The following NELL2 variants were observed in gnomAD, a reference collection of about 807,000 sequenced individuals.
NELL2 encodes the protein neural EGFL like 2, also known as protein kinase C-binding protein NELL2.
NELL2 carries 41 observed loss-of-function variants against 109.6 expected under a neutral mutation model. The observed-to-expected ratio is 0.37, with a 90% CI of 0.29 to 0.49. NELL2 has a LOEUF of 0.49. Among genes scored for constraint, NELL2 ranks in the 20% least tolerant of loss-of-function variants. NELL2 has a pLI of 0.98. For synonymous variants in NELL2, 355 were observed against 344.7 expected, an observed-to-expected ratio of 1.03 and a Z score of -0.33; for missense variants, 900 against 1,008.3, an observed-to-expected ratio of 0.89 and a Z score of 1.45.
intron 3 of NELL2, among the ~76,000 whole-genome samples, chr12:44,798,946 CTTTTTTTTTTT>C (rs1157006162): frequency 0.022 from 1,693 of 77,572 alleles, 41 homozygotes; most frequent in African/African-American, 0.091. Context: ...ATGATTTCCA[CTTTTTTTTTTT>C]TTTTTTTTTT....
chr12:44,740,765 T>A (rs2136495984), intron 9 of NELL2, among the ~76,000 whole-genome samples: 1 of 152,210 alleles, frequency 6.6e-6, no homozygotes, highest in East Asian at 1.9e-4. Context: ...TTCATACAAG[T>A]CCCATTTTTC....
rs1566369938 is a variant in NELL2, at chr12:44,777,235, G to C, written c.679+7C>G. On this transcript the variant is annotated splice_region_variant and intron_variant, in intron 6 of 19. Transcript: ENST00000429094. ...GGACTCCACAGTGCAAGAACTAATA[G>C]ACTTACTGCGATTAAGATCTGGGCA... 6.2e-7 allele frequency: 1 copy of C among 1,612,898 alleles called. No homozygotes were observed. The highest frequency in any genetic ancestry group is 8.5e-7 in the Non-Finnish European group (1 of 1,178,950).
chr12:44,590,786 GA>G lies in NELL2; in HGVS notation c.1663+16382del, dbSNP rs1944715477. 2.0e-5 allele frequency among the ~76,000 whole-genome samples: 3 copies of G among 151,844 alleles called. No individual in the cohort carries two copies. The South Asian group carries it at 6.2e-4, about 32-fold the overall frequency. ...TAGACAAATGGGATTAGATCAAACC[GA>G]AAAGCTTCTGCATAGCAAAGGAAAC... On this transcript the variant is annotated intron_variant, in intron 15 of 19. Coordinates refer to ENST00000429094, the MANE Select transcript of NELL2 (RefSeq NM_001145108.2).
intron 19 of NELL2, among the ~76,000 whole-genome samples, chr12:44,519,347 T>C (rs1009188962): frequency 1.3e-5 from 2 of 152,236 alleles, no homozygotes; most frequent in Non-Finnish European, 2.9e-5. Context: ...GTCACTAATC[T>C]ACAAACTCTA....
chr12:44,570,940 T>C (rs1943844566), intron 15 of NELL2, among the ~76,000 whole-genome samples: 1 of 152,192 alleles, frequency 6.6e-6, no homozygotes, highest in Admixed American at 6.5e-5. Flanking sequence ...AGACAGCTAA[T>C]ATTTCAAGAC....
At chr12:44,736,004 C>CTTTTTTTT (rs35988182) in intron 9 of NELL2, among the ~76,000 whole-genome samples, 2 of 99,396 alleles carry the variant, frequency 2.0e-5, no homozygotes, top group East Asian at 3.2e-4. Context: ...GCAGTTAATT[C>CTTTTTTTT]TTTTTTTTTT....
At chr12:44,645,138 A>G (rs964294479) in intron 13 of NELL2, among the ~76,000 whole-genome samples, 1 of 152,186 alleles carries the variant, frequency 6.6e-6, no homozygotes, top group African/African-American at 2.4e-5. Flanking sequence ...ATAAGAGGTC[A>G]ATGCGACTAA....
upstream of NELL2, among the ~76,000 whole-genome samples, chr12:44,917,235 C>T (rs966439530): frequency 6.6e-6 from 1 of 152,184 alleles, no homozygotes; most frequent in African/African-American, 2.4e-5. Context: ...AAATTTCCAT[C>T]CATGAGTCTC....
At chr12:44,597,359 T>C (rs931545090) in intron 15 of NELL2, among the ~76,000 whole-genome samples, 7 of 152,224 alleles carry the variant, frequency 4.6e-5, no homozygotes, top group African/African-American at 1.7e-4. Flanking sequence ...TTTTCCTCAA[T>C]TATGCTTCCA....
intron 2 of NELL2, among the ~76,000 whole-genome samples, chr12:44,822,369 C>T (rs1047845091): frequency 1.3e-5 from 2 of 152,180 alleles, no homozygotes; most frequent in African/African-American, 2.4e-5. Flanking sequence ...TTCTAAGTAT[C>T]CCAAACTCAG....
chr12:44,524,630 A>C (rs1941684742), intron 16 of NELL2, among the ~76,000 whole-genome samples: 1 of 152,196 alleles, frequency 6.6e-6, no homozygotes, highest in African/African-American at 2.4e-5. Context: ...TTATATACTT[A>C]AATTCTGCCA....
At chr12:44,608,615 A>G (rs1034740085) in intron 14 of NELL2, among the ~76,000 whole-genome samples, 1 of 151,952 alleles carries the variant, frequency 6.6e-6, no homozygotes, top group African/African-American at 2.4e-5. Context: ...AAATACAAGA[A>G]TTATCTGTCT....
At chr12:44,787,464 T>C (rs1436216565) in intron 3 of NELL2, among the ~76,000 whole-genome samples, 1 of 152,152 alleles carries the variant, frequency 6.6e-6, no homozygotes, top group Non-Finnish European at 1.5e-5. Context: ...TTAAAATTTA[T>C]ATGGAAGGAC....
chr12:44,782,436 A>C (rs1417108067), intron 3 of NELL2, among the ~76,000 whole-genome samples: 2 of 152,024 alleles, frequency 1.3e-5, no homozygotes, highest in East Asian at 3.8e-4. Flanking sequence ...GTTTACATGC[A>C]TCAATTAAAA....
intron 2 of NELL2, among the ~76,000 whole-genome samples, chr12:44,871,225 C>A (rs562746751): frequency 6.6e-6 from 1 of 152,238 alleles, no homozygotes; most frequent in East Asian, 1.9e-4. Context: ...CTGAGACTCC[C>A]CTAACTAAAA....
intron 9 of NELL2, among the ~76,000 whole-genome samples, chr12:44,751,886 C>T (rs3858729): frequency 0.69 from 104,547 of 151,824 alleles, 36,318 homozygotes; most frequent in Non-Finnish European, 0.74. Context: ...TTCCCTGGGC[C>T]ACATTGGAAG....
At chr12:44,618,286 C>A (rs534015475) in intron 13 of NELL2, among the ~76,000 whole-genome samples, 1 of 152,238 alleles carries the variant, frequency 6.6e-6, no homozygotes, top group South Asian at 2.1e-4. Context: ...ATACTGACTT[C>A]TTGTTATTCT....
intron 9 of NELL2, among the ~76,000 whole-genome samples, chr12:44,760,908 A>G (rs1299342663): frequency 6.6e-6 from 1 of 152,224 alleles, no homozygotes; most frequent in African/African-American, 2.4e-5. Flanking sequence ...GTGAAATTTT[A>G]CATATTTTTC....
chr12:44,736,838 A>G (rs1259944949), intron 9 of NELL2, among the ~76,000 whole-genome samples: 1 of 152,152 alleles, frequency 6.6e-6, no homozygotes, highest in Non-Finnish European at 1.5e-5. Flanking sequence ...CAAATTATAC[A>G]TCGTGTAATA....
Sources: gnomAD v4.1 joint callset for allele counts (sites outside exome capture counted in the v4.1 genomes callset) on GRCh38, gnomAD v4.1.1 for gene constraint, MANE v1.5 for transcripts, NCBI Gene and HGNC (gene_info 2026-07-23, HGNC 2026-07-21) for gene names.